MTUS2: variants seen among roughly 807,000 people sequenced by gnomAD.
The protein encoded by MTUS2 is microtubule-associated tumor suppressor candidate 2.
MTUS2 carries 40 observed loss-of-function variants against 114.1 expected under a neutral mutation model. That is an observed-to-expected ratio of 0.35 (90% CI 0.27 to 0.46). MTUS2 has a LOEUF of 0.46. Among genes scored for constraint, MTUS2 ranks in the 20% least tolerant of loss-of-function variants. The pLI, the probability that MTUS2 is intolerant of heterozygous loss-of-function variation, is 1.00. For synonymous variants in MTUS2, 688 were observed against 672.0 expected (o/e 1.02, Z -0.37); for missense variants, 1,679 against 1,705.4 (o/e 0.98, Z 0.27).
intron 4 of MTUS2, among the ~76,000 whole-genome samples, chr13:29,090,375 A>G (rs2479797): frequency 0.5 from 76,717 of 152,060 alleles, 19,561 homozygotes; most frequent in East Asian, 0.63. Context: ...GTGCTCTGGT[A>G]GGGTAGTGGA....
chr13:29,140,843 G>A (rs1295331285), intron 5 of MTUS2, among the ~76,000 whole-genome samples: 3 of 152,270 alleles, frequency 2.0e-5, no homozygotes, highest in South Asian at 4.2e-4. Flanking sequence ...GTCTGCAGGT[G>A]ATACTTGAAA....
intron 10 of MTUS2, among the ~76,000 whole-genome samples, chr13:29,484,580 A>G (rs1275216927): frequency 6.6e-6 from 1 of 152,230 alleles, no homozygotes; most frequent in African/African-American, 2.4e-5. Context: ...TGTCCAGGAT[A>G]CTGTAAGCCT....
intron 5 of MTUS2, among the ~76,000 whole-genome samples, chr13:29,259,219 C>T (rs533989684): frequency 9.7e-4 from 147 of 152,310 alleles, no homozygotes; most frequent in African/African-American, 3.4e-3. Flanking sequence ...CACAGCTGGT[C>T]GGTCACCCTG....
intron 5 of MTUS2, among the ~76,000 whole-genome samples, chr13:29,281,402 CATGTATGT>C (rs931406993): frequency 1.4e-5 from 2 of 146,246 alleles, no homozygotes; most frequent in African/African-American, 5.1e-5. Flanking sequence ...TGTGTGTGTG[CATGTATGT>C]ATGTATGTCT....
At position 29,496,363 on chromosome 13, in the gene MTUS2, C is replaced by G. The variant is rs1045204809; in HGVS notation, c.3580-875C>G. Reference sequence around the variant, plus strand: ...TGTGGACTCAGCTTACGTGGCAGCTCCTATTAAGGACATGCAACCCAGTCC... The same window carrying G: ...TGTGGACTCAGCTTACGTGGCAGCTGCTATTAAGGACATGCAACCCAGTCC... On this transcript the variant is annotated intron_variant, in intron 12 of 15. Transcript: ENST00000612955. This position sits in a 1 kb window ranked among gnomAD's most constrained non-coding sequence, Gnocchi z 4.3. 2 of 152,622 alleles carry G rather than the reference C, an allele frequency of 1.3e-5. No individual in the cohort carries two copies. The highest frequency in any genetic ancestry group is 2.4e-5 in the African/African-American group (1 of 41,414). The allele number at this position is 152,622 out of a possible 1,614,324, so 9.5% of individuals were successfully genotyped here.
At chr13:29,364,881 G>C (rs184338807) in intron 8 of MTUS2, among the ~76,000 whole-genome samples, 72 of 152,250 alleles carry the variant, frequency 4.7e-4, no homozygotes, top group Admixed American at 1.1e-3. Context: ...ACTTATAAAC[G>C]ATGCTCTGCG....
intron 4 of MTUS2, among the ~76,000 whole-genome samples, chr13:29,066,762 G>A (rs116537166): frequency 0.016 from 2,453 of 152,252 alleles, 57 homozygotes; most frequent in African/African-American, 0.056. Flanking sequence ...TAACTTAATG[G>A]GTATATAAAG....
intron 2 of MTUS2, among the ~76,000 whole-genome samples, chr13:28,962,793 G>A (rs1010819034): frequency 7.9e-5 from 12 of 152,156 alleles, no homozygotes; most frequent in Non-Finnish European, 1.0e-4. Flanking sequence ...TGGATTTAGA[G>A]CAGTGTGAGA....
At chr13:29,446,272 A>C (rs1363939769) in intron 9 of MTUS2, among the ~76,000 whole-genome samples, 1 of 152,202 alleles carries the variant, frequency 6.6e-6, no homozygotes, top group Non-Finnish European at 1.5e-5. Context: ...GGTTCTGAGC[A>C]CCTTGTATGG....
At chr13:29,489,039 C>G (rs1335496447) in intron 11 of MTUS2, among the ~76,000 whole-genome samples, 1 of 152,216 alleles carries the variant, frequency 6.6e-6, no homozygotes, top group Admixed American at 6.5e-5. Flanking sequence ...AATCCCAGCA[C>G]TTTGGGAGGC....
intron 15 of MTUS2, among the ~76,000 whole-genome samples, chr13:29,502,693 C>T (rs1004569707): frequency 1.1e-4 from 16 of 152,268 alleles, no homozygotes; most frequent in Non-Finnish European, 1.3e-4. Context: ...TCCAGCTCTC[C>T]GCTTCCCTCC....
At chr13:29,281,918 A>C (rs1399081650) in intron 6 of MTUS2, 53 bp downstream of exon 6, 3 of 1,509,784 alleles carry the variant, frequency 2.0e-6, no homozygotes, top group Admixed American at 2.3e-5. Flanking sequence ...TTTCTGCATT[A>C]ATAAAAAGTC....
intron 5 of MTUS2, among the ~76,000 whole-genome samples, chr13:29,229,690 C>A (rs1032170307): frequency 6.6e-6 from 1 of 152,150 alleles, no homozygotes; most frequent in Non-Finnish European, 1.5e-5. Flanking sequence ...GGAATCTTTT[C>A]TGAAACACTT....
chr13:29,419,012 ATC>A (rs1418346723), intron 8 of MTUS2, among the ~76,000 whole-genome samples: 2 of 152,142 alleles, frequency 1.3e-5, no homozygotes, highest in African/African-American at 4.8e-5. Flanking sequence ...TTAAATCAGA[ATC>A]TCTGTTTAGT....
At chr13:29,232,252 G>T (rs1280277264) in intron 5 of MTUS2, among the ~76,000 whole-genome samples, 1 of 151,920 alleles carries the variant, frequency 6.6e-6, no homozygotes, top group South Asian at 2.1e-4. Flanking sequence ...AAAACAATGT[G>T]TAGGCCAAAC....
chr13:29,378,138 G>GT (rs2138347806), intron 8 of MTUS2, among the ~76,000 whole-genome samples: 1 of 152,232 alleles, frequency 6.6e-6, no homozygotes, highest in Admixed American at 6.5e-5. Context: ...GCAAAGGGAG[G>GT]TTTTAGAATA....
At chr13:29,000,668 C>G (rs886595664) in intron 2 of MTUS2, among the ~76,000 whole-genome samples, 6 of 152,156 alleles carry the variant, frequency 3.9e-5, no homozygotes, top group African/African-American at 1.4e-4. Context: ...GCCTGGCCGA[C>G]AGTGTTTTTC....
At chr13:29,171,192 A>G (rs1223964971) in intron 5 of MTUS2, among the ~76,000 whole-genome samples, 1 of 151,948 alleles carries the variant, frequency 6.6e-6, no homozygotes, top group African/African-American at 2.4e-5. Context: ...ATTGTAGCGA[A>G]TTAAATTTTC....
chr13:29,096,994 C>T (rs1352911976), intron 4 of MTUS2, among the ~76,000 whole-genome samples: 1 of 152,064 alleles, frequency 6.6e-6, no homozygotes, highest in African/African-American at 2.4e-5. Context: ...ACCTTTTGAC[C>T]ACTCTCTCAT....
Sources: gnomAD v4.1 joint callset for allele counts (sites outside exome capture counted in the v4.1 genomes callset) on GRCh38, gnomAD v4.1.1 for gene constraint, Gnocchi (gnomAD v3.1) non-coding constraint, MANE v1.5 for transcripts, NCBI Gene and HGNC (gene_info 2026-07-23, HGNC 2026-07-21) for gene names.